Variants in NPHP4 observed in about 807,000 individuals in gnomAD.
NPHP4 encodes nephrocystin-4.
NPHP4 carries 151 observed loss-of-function variants against 155.8 expected under a neutral mutation model. That is an observed-to-expected ratio of 0.97 (90% CI 0.85 to 1.11). The LOEUF is 1.11. NPHP4 is among the 50% of genes least tolerant of loss of function. The pLI is 0.00. For missense variants in NPHP4, 1,956 were observed against 1,925.7 expected, an observed-to-expected ratio of 1.02 and a Z score of -0.29; for synonymous variants, 845 against 816.8, an observed-to-expected ratio of 1.03 and a Z score of -0.59.
chr1:5,964,937 A>AT (rs1400602210), intron 5 of NPHP4, among the ~76,000 whole-genome samples: 11 of 54,930 alleles, frequency 2.0e-4, no homozygotes, highest in Admixed American at 6.8e-4. Flanking sequence ...ATATATATAT[A>AT]TATATTTTTT....
chr1:5,887,439 C>G lies in NPHP4; in HGVS notation c.2332G>C (p.Val778Leu), dbSNP rs376570770. The G allele has an allele frequency of 7.4e-6, 12 of 1,613,268 alleles. No individual in the cohort carries two copies. The highest frequency in any genetic ancestry group is 1.3e-5 in the African/African-American group (1 of 75,060). Reference sequence around the variant, plus strand: ...ACCTCAAGCTCGTGGGAGGCCTGCACAGCCGGCCGGCCTTGGCGGAGGAGA... The same window carrying G: ...ACCTCAAGCTCGTGGGAGGCCTGCAGAGCCGGCCGGCCTTGGCGGAGGAGA... ...KHLLRQGRPA[V>L]QASHELEVVA... Residue 778 changes from valine to leucine, a missense_variant, in exon 18 of 30, where the codon GTG becomes CTG. Val to Leu is a conservative substitution (Grantham distance 32). Transcript: ENST00000378156.
chr1:5,974,070 G>A lies in NPHP4; in HGVS notation c.279+4200C>T, dbSNP rs146992293. Among the ~76,000 whole-genome samples, 385 of 152,350 alleles carry A rather than the reference G, an allele frequency of 2.5e-3. 2 individuals are homozygous for A. The highest frequency in any genetic ancestry group is 8.7e-3 in the African/African-American group (360 of 41,586). On this transcript the variant is annotated intron_variant, in intron 3 of 29. Coordinates refer to ENST00000378156, the MANE Select transcript of NPHP4 (RefSeq NM_015102.5). ...AAGAATCCAGGCCCTGGAAGGGCTCGCAGGAGTTTCACGTGGGTTATGCTG... is the reference window on the plus strand; with the variant it reads ...AAGAATCCAGGCCCTGGAAGGGCTCACAGGAGTTTCACGTGGGTTATGCTG...
At chr1:5,870,723 T>C (rs1448793618) in intron 23 of NPHP4, among the ~76,000 whole-genome samples, 1 of 152,198 alleles carries the variant, frequency 6.6e-6, no homozygotes, top group Non-Finnish European at 1.5e-5. Flanking sequence ...TCCCTCACAG[T>C]ATGATGTTCG....
intron 3 of NPHP4, among the ~76,000 whole-genome samples, chr1:5,977,446 AGGTCTCCACGTTCTCCTATT>A (rs1299819517): frequency 1.5e-4 from 23 of 152,128 alleles, no homozygotes; most frequent in South Asian, 8.3e-4. Flanking sequence ...CACCTAAAGC[AGGTCTCCACGTTCTCCTATT>A]GGTCTCCACG....
intron 12 of NPHP4, among the ~76,000 whole-genome samples, chr1:5,908,273 G>A (rs1249938883): frequency 1.3e-5 from 2 of 152,266 alleles, no homozygotes; most frequent in African/African-American, 4.8e-5. Flanking sequence ...GGTTGGGCCA[G>A]CAGGGAAGCC....
chr1:5,904,906 C>CA, intron 15 of NPHP4, 102 bp from the exon 16 acceptor site: 6 of 1,198,228 alleles, frequency 5.0e-6, no homozygotes, highest in Non-Finnish European at 7.3e-6. Context: ...ACCTTAGTCG[C>CA]TGGGGAACAG....
chr1:5,873,929 A>G, intron 22 of NPHP4: 1 of 212,084 alleles, frequency 4.7e-6, no homozygotes, highest in Non-Finnish European at 9.4e-6. Flanking sequence ...CGCGTGCCTC[A>G]CACACACCCT....
chr1:5,871,285 A>T (rs888282184), intron 23 of NPHP4, among the ~76,000 whole-genome samples: 3 of 152,150 alleles, frequency 2.0e-5, no homozygotes, highest in Non-Finnish European at 4.4e-5. Flanking sequence ...TAACTTGAAA[A>T]GGATGGCGGT....
intron 16 of NPHP4, among the ~76,000 whole-genome samples, chr1:5,902,632 G>T (rs1344877891): frequency 1.3e-5 from 2 of 151,988 alleles, no homozygotes; most frequent in Non-Finnish European, 2.9e-5. Context: ...GGTTTGTTCT[G>T]TCTTTCTCCC....
At chr1:5,864,137 C>T in intron 28 of NPHP4, 104 bp from the exon 29 acceptor site, 1 of 1,347,592 alleles carries the variant, frequency 7.4e-7, no homozygotes, top group Non-Finnish European at 1.0e-6. Context: ...TGCACGGGGA[C>T]CCCCACAGAG....
At chr1:5,875,329 C>T (rs1370879824) in intron 20 of NPHP4, among the ~76,000 whole-genome samples, 2 of 130,002 alleles carry the variant, frequency 1.5e-5, no homozygotes, top group African/African-American at 3.5e-5. Flanking sequence ...GTCCCTGACA[C>T]GGAGGTCCAC....
intron 9 of NPHP4, among the ~76,000 whole-genome samples, chr1:5,940,977 G>T (rs1189931798): frequency 1.3e-5 from 2 of 152,066 alleles, no homozygotes; most frequent in Non-Finnish European, 2.9e-5. Context: ...AAATAAACAT[G>T]CAAGAAAAGC....
chr1:5,987,104 T>C (rs1450109083), intron 1 of NPHP4, among the ~76,000 whole-genome samples: 1 of 151,972 alleles, frequency 6.6e-6, no homozygotes, highest in Admixed American at 6.6e-5. Context: ...CCCACGACAC[T>C]TCAGCTACAT....
intron 11 of NPHP4, among the ~76,000 whole-genome samples, chr1:5,914,381 C>T (rs530007709): frequency 1.8e-4 from 27 of 151,348 alleles, no homozygotes; most frequent in African/African-American, 6.3e-4. Context: ...CCACAGTGAG[C>T]CGTGACTACG....
intron 2 of NPHP4, among the ~76,000 whole-genome samples, chr1:5,985,284 C>T (rs949663012): frequency 2.0e-5 from 3 of 152,260 alleles, no homozygotes; most frequent in Non-Finnish European, 4.4e-5. Flanking sequence ...ATCCTTCTCA[C>T]GCATTCCCAC....
At chr1:5,933,081 C>A in intron 10 of NPHP4, 66 bp downstream of exon 10, 1 of 1,309,972 alleles carries the variant, frequency 7.6e-7, no homozygotes, top group Non-Finnish European at 1.0e-6. Context: ...TGAACTTTTG[C>A]TTTTGAAAAT....
intron 6 of NPHP4, among the ~76,000 whole-genome samples, chr1:5,954,208 A>C (rs750022911): frequency 6.6e-6 from 1 of 152,354 alleles, no homozygotes. Context: ...AATAGAGAAA[A>C]ATCGAAGCAA....
intron 9 of NPHP4, among the ~76,000 whole-genome samples, chr1:5,943,686 G>A (rs1646940780): frequency 6.6e-6 from 1 of 152,128 alleles, no homozygotes; most frequent in Non-Finnish European, 1.5e-5. Context: ...CACTTTCCAG[G>A]GAAAAGCACA....
rs1363865660 is a variant in NPHP4 at position 5,889,689 on chromosome 1, A to C, written c.2304+1179T>G. Among the ~76,000 whole-genome samples the C allele has an allele frequency of 6.6e-6, 1 of 152,186 alleles. No individual in the cohort carries two copies. Among genetic ancestry groups the C allele is most frequent in the East Asian group, 1.9e-4 (1 of 5,188 alleles). ...GTGCTAGAGATGCTGTGGTGTCGAC[A>C]CACAGTCCTGCCCTGGGGACATCAA... On this transcript the variant is annotated intron_variant, in intron 17 of 29. Coordinates refer to ENST00000378156, the MANE Select transcript of NPHP4 (RefSeq NM_015102.5). The surrounding 1 kb of genome is among the most constrained non-coding windows in gnomAD (Gnocchi z 4.2).
Sources: gnomAD v4.1 joint callset for allele counts (sites outside exome capture counted in the v4.1 genomes callset) on GRCh38, gnomAD v4.1.1 for gene constraint, Gnocchi (gnomAD v3.1) non-coding constraint, MANE v1.5 for transcripts, NCBI Gene and HGNC (gene_info 2026-07-23, HGNC 2026-07-21) for gene names.